The following FSTL4 variants were observed in gnomAD, a reference collection of about 807,000 sequenced individuals.
FSTL4 encodes follistatin like 4, also known as follistatin-related protein 4.
In FSTL4, 28 loss-of-function variants were observed where a neutral mutation model predicts 78.2. The ratio of observed to expected loss-of-function variants is 0.36; its 90% CI spans 0.27 to 0.49. The LOEUF (loss-of-function observed/expected upper bound fraction) is 0.49. Ranked by LOEUF, FSTL4 falls within the 20% of genes least tolerant of loss-of-function variation. FSTL4 has a pLI of 0.98. For missense variants in FSTL4, 922 were observed against 1,084.9 expected (o/e 0.85, Z 2.11); for synonymous variants, 422 against 440.5 (o/e 0.96, Z 0.53).
chr5:133,481,785 C>G (rs1758033419), intron 3 of FSTL4, among the ~76,000 whole-genome samples: 1 of 152,248 alleles, frequency 6.6e-6, no homozygotes, highest in Admixed American at 6.5e-5. Flanking sequence ...CGGAATTGAC[C>G]AATTGACCTG....
At chr5:133,658,403 T>C in the FSTL4 span, among the ~76,000 whole-genome samples, 1 of 152,160 alleles carries the variant, frequency 6.6e-6, no homozygotes, top group African/African-American at 2.4e-5. Flanking sequence ...TATATGGAGC[T>C]GGAAATTTTT....
chr5:133,801,472 T>C, the FSTL4 span, among the ~76,000 whole-genome samples: 398 of 152,320 alleles, frequency 2.6e-3, 1 homozygote, highest in African/African-American at 9.1e-3. Flanking sequence ...CTTTACCTCT[T>C]AACCACATCC....
intron 2 of FSTL4, among the ~76,000 whole-genome samples, chr5:133,601,918 A>C (rs1760878424): frequency 6.6e-6 from 1 of 151,692 alleles, no homozygotes; most frequent in African/African-American, 2.4e-5. Flanking sequence ...TCCTGGGCTC[A>C]AGTGATCTGC....
intron 8 of FSTL4, among the ~76,000 whole-genome samples, chr5:133,226,952 G>A (rs973222761): frequency 6.6e-6 from 1 of 152,184 alleles, no homozygotes; most frequent in Non-Finnish European, 1.5e-5. Context: ...AAACTCCACG[G>A]CCTCCCTGTG....
intron 6 of FSTL4, among the ~76,000 whole-genome samples, chr5:133,296,868 A>T (rs1437465187): frequency 6.6e-6 from 1 of 152,184 alleles, no homozygotes; most frequent in African/African-American, 2.4e-5. Context: ...CCTGCCAGGA[A>T]GTATTTGTGT....
At chr5:133,573,980 T>C (rs1760218937) in intron 2 of FSTL4, among the ~76,000 whole-genome samples, 1 of 152,178 alleles carries the variant, frequency 6.6e-6, no homozygotes, top group African/African-American at 2.4e-5. Context: ...TGACTTTAAA[T>C]ACATAGGTGA....
At chr5:133,636,061 TAATAGTCCCTC>T in the FSTL4 span, among the ~76,000 whole-genome samples, 2 of 152,186 alleles carry the variant, frequency 1.3e-5, no homozygotes, top group Non-Finnish European at 2.9e-5. Context: ...ACCTGGCCTA[TAATAGTCCCTC>T]AATAAATGTA....
At chr5:133,328,107 C>A (rs530556206) in intron 4 of FSTL4, among the ~76,000 whole-genome samples, 20 of 152,340 alleles carry the variant, frequency 1.3e-4, no homozygotes, top group African/African-American at 4.1e-4. Context: ...CTTGACATGG[C>A]CTTTTACCCA....
At chr5:133,373,367 G>T (rs1176287032) in intron 4 of FSTL4, among the ~76,000 whole-genome samples, 4 of 152,232 alleles carry the variant, frequency 2.6e-5, no homozygotes, top group African/African-American at 9.6e-5. Context: ...GAATTATAGG[G>T]ATTGGAAGAG....
At chr5:133,316,404 G>T in intron 5 of FSTL4, 55 bp downstream of exon 5, 1 of 1,420,382 alleles carries the variant, frequency 7.0e-7, no homozygotes, top group South Asian at 1.2e-5. Context: ...GCCGGGGTGG[G>T]AAATGGAAAA....
chr5:133,404,150 C>T (rs910254428), intron 3 of FSTL4, among the ~76,000 whole-genome samples: 2 of 152,258 alleles, frequency 1.3e-5, no homozygotes, highest in Non-Finnish European at 2.9e-5. Flanking sequence ...ATATGCCCTT[C>T]ACAATGGCCC....
rs75092466 is a variant in FSTL4, at chr5:133,538,929, G to A, written c.160+28257C>T. Reference sequence around the variant, plus strand: ...TTGTTGAGCGTCTCTCTTTCTCTTCGTGTGGCCTCAGAGCATCTCCACGTG... The same window carrying A: ...TTGTTGAGCGTCTCTCTTTCTCTTCATGTGGCCTCAGAGCATCTCCACGTG... On this transcript the variant is annotated intron_variant, in intron 3 of 15. Transcript: ENST00000265342. 6.1e-3 allele frequency among the ~76,000 whole-genome samples: 923 copies of A among 152,174 alleles called. 21 individuals are homozygous for A. In the East Asian group the frequency reaches 0.077, roughly 13 times the overall value.
intron 3 of FSTL4, among the ~76,000 whole-genome samples, chr5:133,433,918 C>T (rs1270931945): frequency 6.6e-6 from 1 of 151,760 alleles, no homozygotes; most frequent in Non-Finnish European, 1.5e-5. Context: ...GATAGGGAGG[C>T]AGCAGTGGGA....
At chr5:133,668,937 T>C in the FSTL4 span, among the ~76,000 whole-genome samples, 1 of 152,310 alleles carries the variant, frequency 6.6e-6, no homozygotes, top group Admixed American at 6.5e-5. Flanking sequence ...TTCACTCTTA[T>C]GAAGTGACAT....
the FSTL4 span, among the ~76,000 whole-genome samples, chr5:133,649,934 A>AT: frequency 6.6e-6 from 1 of 152,052 alleles, no homozygotes; most frequent in East Asian, 1.9e-4. Flanking sequence ...ATCACAAAAA[A>AT]AAAAAGGTTT....
the FSTL4 span, among the ~76,000 whole-genome samples, chr5:133,735,428 C>T: frequency 6.6e-6 from 1 of 152,168 alleles, no homozygotes; most frequent in Admixed American, 6.5e-5. Flanking sequence ...CGTGCCACTG[C>T]ATTCCAGCCT....
At chr5:133,521,056 T>C (rs1580763118) in intron 3 of FSTL4, among the ~76,000 whole-genome samples, 1 of 151,800 alleles carries the variant, frequency 6.6e-6, no homozygotes, top group East Asian at 1.9e-4. Flanking sequence ...TTTTTTTTCA[T>C]CAAGCATTCA....
At chr5:133,447,007 C>G (rs1021991351) in intron 3 of FSTL4, among the ~76,000 whole-genome samples, 1 of 152,188 alleles carries the variant, frequency 6.6e-6, no homozygotes, top group Non-Finnish European at 1.5e-5. Context: ...CAAAGTACAT[C>G]TTTCAGCTCT....
intron 1 of FSTL4, among the ~76,000 whole-genome samples, chr5:133,608,555 T>C (rs558066038): frequency 9.1e-4 from 139 of 152,372 alleles, no homozygotes; most frequent in Non-Finnish European, 1.4e-3. Flanking sequence ...CCTTATATTA[T>C]GGCACACTTA....
Sources: allele counts gnomAD v4.1 joint callset (sites outside exome capture counted in the v4.1 genomes callset), GRCh38; gene constraint gnomAD v4.1.1; transcripts MANE v1.5; gene names NCBI Gene and HGNC (gene_info 2026-07-23, HGNC 2026-07-21).